TMEM131L: variants seen among roughly 807,000 people sequenced by gnomAD.
TMEM131L encodes the protein transmembrane protein 131-like.
Under a neutral mutation model 192.2 loss-of-function variants are expected in TMEM131L, and 54 were observed. The observed-to-expected ratio is 0.28, with a 90% CI of 0.23 to 0.35. The LOEUF is 0.35. TMEM131L is among the 10% of genes least tolerant of loss of function. The probability of loss-of-function intolerance (pLI) is 1.00; values close to 1 mark genes in which losing one functional copy is unlikely to be tolerated. For synonymous variants in TMEM131L, 701 were observed against 704.9 expected, an observed-to-expected ratio of 0.99 and a Z score of 0.09; for missense variants, 1,888 against 1,972.9, an observed-to-expected ratio of 0.96 and a Z score of 0.82.
intron 3 of TMEM131L, among the ~76,000 whole-genome samples, chr4:153,534,046 G>A (rs959571206): frequency 3.9e-5 from 6 of 152,164 alleles, no homozygotes; most frequent in Non-Finnish European, 8.8e-5. Context: ...TGACATGCTA[G>A]GATGAAGCCA....
chr4:153,587,080 TA>T (rs1290489068), intron 14 of TMEM131L, among the ~76,000 whole-genome samples: 1 of 152,190 alleles, frequency 6.6e-6, no homozygotes, highest in Admixed American at 6.5e-5. Flanking sequence ...GCCTCATGCT[TA>T]ACTAGCTGTA....
intron 7 of TMEM131L, among the ~76,000 whole-genome samples, chr4:153,560,028 A>G (rs1436111281): frequency 6.6e-6 from 1 of 151,914 alleles, no homozygotes; most frequent in Non-Finnish European, 1.5e-5. Flanking sequence ...AATTTTCTCC[A>G]AATTAACCCT....
At position 153,555,917 on chromosome 4, in the gene TMEM131L, G is replaced by A; in HGVS notation, c.432+7G>A. ...ACCGCCAGTTCCCTGCAGGGTGGGT[G>A]TTGATGGACTCCTGGAAACTATGCC... On this transcript the variant is annotated splice_region_variant and intron_variant, in intron 5 of 34. Coordinates refer to ENST00000409959, the MANE Select transcript of TMEM131L (RefSeq NM_001131007.2). The surrounding 1 kb of genome is among the most constrained non-coding windows in gnomAD (Gnocchi z 4.1). 6.4e-7 allele frequency: 1 copy of A among 1,551,020 alleles called. No individual in the cohort carries two copies.
chr4:153,470,811 G>A (rs1340394346), intron 2 of TMEM131L, among the ~76,000 whole-genome samples: 2 of 152,122 alleles, frequency 1.3e-5, no homozygotes, highest in African/African-American at 4.8e-5. Flanking sequence ...CCTGTGGTAC[G>A]CCCACTCCAG....
chr4:153,485,760 A>G (rs1732288645), intron 3 of TMEM131L, among the ~76,000 whole-genome samples: 1 of 152,202 alleles, frequency 6.6e-6, no homozygotes, highest in African/African-American at 2.4e-5. Flanking sequence ...TGTTTCTTCA[A>G]ATCAGGTCAT....
chr4:153,573,019 T>G (rs1729696155), intron 7 of TMEM131L, among the ~76,000 whole-genome samples: 1 of 152,258 alleles, frequency 6.6e-6, no homozygotes, highest in Non-Finnish European at 1.5e-5. Flanking sequence ...TTCTCCCATG[T>G]TATATAGCAT....
rs1216119441 is a variant in TMEM131L, at chr4:153,582,420, G to GTTTTTTTTTTTTTTT, written c.893-761_893-760insTTTTTTTTTTTTTTT. On this transcript the variant is annotated intron_variant, in intron 9 of 34. Coordinates refer to ENST00000409959, the MANE Select transcript of TMEM131L (RefSeq NM_001131007.2). ...CCACTATGCCTGGCTAATTTAAACCGTTTTTTTTTGTTGTTTTTTTTTTTT... is the reference window on the plus strand; with the variant it reads ...CCACTATGCCTGGCTAATTTAAACCGTTTTTTTTTTTTTTTTTTTTTTTTGTTGTTTTTTTTTTTT... Among the ~76,000 whole-genome samples the GTTTTTTTTTTTTTTT allele has an allele frequency of 7.3e-5, 6 of 81,844 alleles. 1 individual carries two copies. Among genetic ancestry groups the GTTTTTTTTTTTTTTT allele is most frequent in the African/African-American group, 1.1e-4 (2 of 18,240 alleles). 53.7% of individuals were successfully genotyped at this position (81,844 alleles called of 152,430 possible). A position where few individuals can be genotyped will look rare whatever the true frequency, so the allele number is the denominator to read the frequency against.
rs750938475 is a variant in TMEM131L, at chr4:153,558,380, A to G, written c.660+12A>G. ...TGTCTCAAATGCAGGTCATTTTAAT[A>G]GATTTACTTTGAATGCTGGTGGCCA... On this transcript the variant is annotated intron_variant, in intron 7 of 34. Transcript: ENST00000409959. The G allele has an allele frequency of 6.6e-7, 1 of 1,514,636 alleles. No individual in the cohort carries two copies. 93.8% of individuals were successfully genotyped at this position (1,514,636 alleles called of 1,614,324 possible).
rs138856822 is a variant in TMEM131L, at chr4:153,483,456, G to C, written c.239+9568G>C. Among the ~76,000 whole-genome samples, 463 of 152,262 alleles carry C rather than the reference G, an allele frequency of 3.0e-3. 2 individuals are homozygous for C. Among genetic ancestry groups the C allele is most frequent in the Middle Eastern group, 6.8e-3 (2 of 294 alleles). On this transcript the variant is annotated intron_variant, in intron 3 of 34. Transcript: ENST00000409959. ...GTGGCTCATGCCTCTAGCACTTTGAGAGGCTGAGGTGGGAGGATCGGCTTG... is the reference window on the plus strand; with the variant it reads ...GTGGCTCATGCCTCTAGCACTTTGACAGGCTGAGGTGGGAGGATCGGCTTG...
intron 3 of TMEM131L, among the ~76,000 whole-genome samples, chr4:153,493,864 T>C (rs1025816514): frequency 2.4e-4 from 37 of 152,234 alleles, no homozygotes; most frequent in African/African-American, 8.9e-4. Flanking sequence ...AAGCCTTGCA[T>C]GTAAATGCTC....
In TMEM131L at chr4:153,550,085, A is replaced by G; in HGVS notation, c.252A>G (p.Lys84=). The G allele has an allele frequency of 6.7e-7, 1 of 1,486,954 alleles. No homozygotes were observed. The highest frequency in any genetic ancestry group is 1.4e-5 in the South Asian group (1 of 73,778). 92.1% of individuals were successfully genotyped at this position (1,486,954 alleles called of 1,614,324 possible). A position where few individuals can be genotyped will look rare whatever the true frequency, so the allele number is the denominator to read the frequency against. Residue 84 remains lysine, a synonymous_variant, in exon 4 of 35, where the codon AAA becomes AAG. Coordinates refer to ENST00000409959, the MANE Select transcript of TMEM131L (RefSeq NM_001131007.2). ...TTTCTTTTTTTAGCTTCTCGGACAA[A>G]CTATTTAGTGGAAAAGGCTTACATT... The part of the protein sequence containing the change: ...EPSQEQSFSD[K]LFSGKGLHFQ...
At chr4:153,529,445 A>C (rs1223654873) in intron 3 of TMEM131L, among the ~76,000 whole-genome samples, 3 of 152,182 alleles carry the variant, frequency 2.0e-5, no homozygotes, top group African/African-American at 7.2e-5. Flanking sequence ...ACTTACTGAA[A>C]GTGAGTATGT....
chr4:153,501,565 A>G (rs1360533974), intron 3 of TMEM131L, among the ~76,000 whole-genome samples: 1 of 152,108 alleles, frequency 6.6e-6, no homozygotes, highest in Non-Finnish European at 1.5e-5. Flanking sequence ...GGCACATGGT[A>G]AGGAGTCTCA....
intron 3 of TMEM131L, among the ~76,000 whole-genome samples, chr4:153,520,691 GTCTCTTCT>G (rs1735047457): frequency 6.6e-6 from 1 of 152,196 alleles, no homozygotes; most frequent in Non-Finnish European, 1.5e-5. Context: ...TCTGTGCCCT[GTCTCTTCT>G]TCTTTCCTTA....
chr4:153,581,564 A>G lies in TMEM131L; in HGVS notation c.892+4A>G, dbSNP rs773130619. The G allele has an allele frequency of 5.8e-5, 88 of 1,521,330 alleles. No homozygotes were observed. Among genetic ancestry groups the G allele is most frequent in the Admixed American group, 8.5e-5 (4 of 46,878 alleles). 94.2% of individuals were successfully genotyped at this position (1,521,330 alleles called of 1,614,324 possible). On this transcript the variant is annotated splice_donor_region_variant and intron_variant, in intron 9 of 34. Coordinates refer to ENST00000409959, the MANE Select transcript of TMEM131L (RefSeq NM_001131007.2). Reference sequence around the variant, plus strand: ...ACAGATGAATCTGAGACCTCAGGTAAGGTGGAATGTTTAAAAATTTTATTA... The same window carrying G: ...ACAGATGAATCTGAGACCTCAGGTAGGGTGGAATGTTTAAAAATTTTATTA...
chr4:153,612,654 A>G (rs994298255), intron 26 of TMEM131L, among the ~76,000 whole-genome samples: 1 of 152,188 alleles, frequency 6.6e-6, no homozygotes, highest in Non-Finnish European at 1.5e-5. Flanking sequence ...TTCCTAGGTA[A>G]TGATGGCAGA....
At chr4:153,624,051 A>G (rs1471527321) in intron 29 of TMEM131L, among the ~76,000 whole-genome samples, 3 of 151,936 alleles carry the variant, frequency 2.0e-5, no homozygotes, top group Admixed American at 1.3e-4. Flanking sequence ...TTTAACTTAC[A>G]TAAATGAAAT....
intron 3 of TMEM131L, among the ~76,000 whole-genome samples, chr4:153,518,993 C>T (rs931562492): frequency 6.6e-6 from 1 of 152,132 alleles, no homozygotes. Context: ...CTTTTGACCA[C>T]CATTCTTACA....
intron 30 of TMEM131L, 97 bp from the exon 31 acceptor site, chr4:153,627,508 C>G: frequency 1.2e-6 from 1 of 859,512 alleles, no homozygotes; most frequent in Non-Finnish European, 1.9e-6. Context: ...CCCAAGACTT[C>G]AATTGAGTGA....
Sources: allele counts gnomAD v4.1 joint callset (sites outside exome capture counted in the v4.1 genomes callset), GRCh38; gene constraint gnomAD v4.1.1; non-coding constraint Gnocchi (gnomAD v3.1); transcripts MANE v1.5; gene names NCBI Gene and HGNC (gene_info 2026-07-23, HGNC 2026-07-21).